Variants in LRRC37A2 observed in about 807,000 individuals in gnomAD.
LRRC37A2 encodes leucine-rich repeat-containing protein 37A2.
LRRC37A2 carries 9 observed loss-of-function variants against 68.8 expected under a neutral mutation model. The ratio of observed to expected loss-of-function variants is 0.13; its 90% CI spans 0.08 to 0.23. The LOEUF (loss-of-function observed/expected upper bound fraction) is 0.23, where lower values mean the gene tolerates loss of function less well. LRRC37A2 is among the 10% of genes least tolerant of loss of function. The pLI, the probability that LRRC37A2 is intolerant of heterozygous loss-of-function variation, is 1.00. For missense variants in LRRC37A2, 168 were observed against 950.4 expected (o/e 0.18, Z 10.82); for synonymous variants, 63 against 367.6 (o/e 0.17, Z 9.48).
At chr17:46,839,275 T>G in the LRRC37A2 span, among the ~76,000 whole-genome samples, 1 of 152,386 alleles carries the variant, frequency 6.6e-6, no homozygotes, top group Admixed American at 6.5e-5. Context: ...CTAATATGTT[T>G]GTGGCCATGC....
the LRRC37A2 span, among the ~76,000 whole-genome samples, chr17:46,905,003 G>T: frequency 5.3e-5 from 8 of 152,098 alleles, no homozygotes; most frequent in Non-Finnish European, 7.4e-5. Flanking sequence ...GCAGGTCTCC[G>T]CTTGTTCCAA....
chr17:46,739,199 C>A, the LRRC37A2 span, among the ~76,000 whole-genome samples: 1 of 151,874 alleles, frequency 6.6e-6, no homozygotes, highest in Non-Finnish European at 1.5e-5. Context: ...GTGAAACCCC[C>A]GCCTCTACTA....
the LRRC37A2 span, among the ~76,000 whole-genome samples, chr17:46,987,625 A>T: frequency 1.3e-5 from 2 of 152,162 alleles, no homozygotes; most frequent in African/African-American, 4.8e-5. Flanking sequence ...ACCCCACTCT[A>T]AGTATATACC....
chr17:46,901,748 G>T, the LRRC37A2 span, among the ~76,000 whole-genome samples: 20 of 151,636 alleles, frequency 1.3e-4, no homozygotes, highest in South Asian at 3.7e-3. Flanking sequence ...AAATCCTTTG[G>T]TTTCCCCCAC....
chr17:46,823,176 A>T, the LRRC37A2 span, among the ~76,000 whole-genome samples: 1 of 129,444 alleles, frequency 7.7e-6, no homozygotes, highest in Non-Finnish European at 1.5e-5. Flanking sequence ...TTATATATTT[A>T]TATATAATAT....
At chr17:46,666,137 G>T in the LRRC37A2 span, among the ~76,000 whole-genome samples, 2 of 150,148 alleles carry the variant, frequency 1.3e-5, no homozygotes, top group Non-Finnish European at 1.5e-5. Flanking sequence ...AGATAAAGGG[G>T]AACTTTGGAA....
At chr17:46,748,163 A>C in the LRRC37A2 span, among the ~76,000 whole-genome samples, 6 of 152,194 alleles carry the variant, frequency 3.9e-5, no homozygotes, top group South Asian at 1.2e-3. Context: ...GCTGGAGTGC[A>C]ATGGCGTGAT....
chr17:46,751,553 C>T, the LRRC37A2 span: 4 of 1,614,002 alleles, frequency 2.5e-6, no homozygotes, highest in Non-Finnish European at 3.4e-6. Context: ...CACAGCAAGT[C>T]AAAGGGAAGA....
the LRRC37A2 span, among the ~76,000 whole-genome samples, chr17:46,609,931 C>G: frequency 7.0e-6 from 1 of 143,562 alleles, no homozygotes; most frequent in South Asian, 2.1e-4. Flanking sequence ...GCTCAAACCT[C>G]TCACCTCAGC....
the LRRC37A2 span, among the ~76,000 whole-genome samples, chr17:46,993,393 T>C: frequency 1.3e-5 from 2 of 152,246 alleles, no homozygotes; most frequent in Non-Finnish European, 2.9e-5. Context: ...TCAGTCTGCC[T>C]ACCCCCAGGA....
chr17:46,461,542 T>C, the LRRC37A2 span, among the ~76,000 whole-genome samples: 4 of 95,746 alleles, frequency 4.2e-5, 1 homozygote, highest in African/African-American at 1.5e-4. Context: ...TTCTGTTTCT[T>C]ATGATTACGT....
the LRRC37A2 span, among the ~76,000 whole-genome samples, chr17:46,457,917 T>G: frequency 4.5e-5 from 2 of 44,240 alleles, 1 homozygote; most frequent in African/African-American, 9.2e-5. Flanking sequence ...TCATAGAGAT[T>G]TATCATAAGG....
chr17:46,768,390 A>C, the LRRC37A2 span: 2 of 1,613,898 alleles, frequency 1.2e-6, no homozygotes, highest in Non-Finnish European at 1.7e-6. This position sits in a 1 kb window ranked among gnomAD's most constrained non-coding sequence, Gnocchi z 5.0. Flanking sequence ...CCAGTGGAAG[A>C]TGCAGTGGCA....
chr17:46,539,538 A>G (rs1251358991), intron 6 of LRRC37A2, among the ~76,000 whole-genome samples: 1 of 150,620 alleles, frequency 6.6e-6, no homozygotes, highest in Admixed American at 6.6e-5. Flanking sequence ...TGAGGCAGGT[A>G]GATCACCTGA....
At chr17:46,635,902 A>G in the LRRC37A2 span, among the ~76,000 whole-genome samples, 2 of 111,188 alleles carry the variant, frequency 1.8e-5, no homozygotes, top group East Asian at 4.2e-4. Context: ...GGGAAACTCA[A>G]ATGCAAAAAT....
At chr17:46,983,296 T>C in the LRRC37A2 span, among the ~76,000 whole-genome samples, 1 of 135,488 alleles carries the variant, frequency 7.4e-6, no homozygotes, top group African/African-American at 2.8e-5. Context: ...CTTCTTTTTT[T>C]TTTTTTTTTT....
chr17:46,534,854 G>T lies in LRRC37A2; in HGVS notation c.2907-5322G>T, dbSNP rs187708086. ...CCCCCACCTCCCTCCCAGACAGGGC[G>T]GCTGCCGGGCAGAGGGGCTCCTCAC... On this transcript the variant is annotated intron_variant, in intron 6 of 14. Transcript: ENST00000576629. 8.7e-5 allele frequency among the ~76,000 whole-genome samples: 13 copies of T among 149,254 alleles called. 1 individual carries two copies. Among genetic ancestry groups the T allele is most frequent in the African/African-American group, 3.3e-4 (13 of 39,090 alleles).
the LRRC37A2 span, chr17:46,851,567 G>A: frequency 2.3e-6 from 2 of 857,388 alleles, no homozygotes; most frequent in Non-Finnish European, 1.5e-6. The surrounding 1 kb of genome is among the most constrained non-coding windows in gnomAD (Gnocchi z 4.3). Context: ...AAAGTCCCGC[G>A]GGCGGGTGGT....
At chr17:46,907,578 T>C in the LRRC37A2 span, among the ~76,000 whole-genome samples, 1 of 148,984 alleles carries the variant, frequency 6.7e-6, no homozygotes, top group African/African-American at 2.5e-5. Context: ...GGCTCACACC[T>C]GTAGCTCCAG....
Sources: allele counts gnomAD v4.1 joint callset (sites outside exome capture counted in the v4.1 genomes callset), GRCh38; gene constraint gnomAD v4.1.1; non-coding constraint Gnocchi (gnomAD v3.1); transcripts MANE v1.5; gene names NCBI Gene and HGNC (gene_info 2026-07-23, HGNC 2026-07-21).